SH3D19: variants seen among roughly 807,000 people sequenced by gnomAD.
SH3D19 encodes SH3 domain-containing protein 19.
A neutral mutation model predicts 112.1 loss-of-function variants in SH3D19; 58 were observed. The observed-to-expected ratio is 0.52, with a 90% CI of 0.42 to 0.64. SH3D19 has a LOEUF of 0.64. SH3D19 is among the 30% of genes least tolerant of loss of function. The pLI, the probability that SH3D19 is intolerant of heterozygous loss-of-function variation, is 0.00. For missense variants in SH3D19, 1,090 were observed against 1,263.4 expected (o/e 0.86, Z 2.08); for synonymous variants, 391 against 448.5 (o/e 0.87, Z 1.62).
chr4:151,227,939 C>T, intron 1 of SH3D19: 1 of 985,372 alleles, frequency 1.0e-6, no homozygotes, highest in South Asian at 4.7e-5. Context: ...ACTCAGTATC[C>T]AAGGGCTTCC....
At chr4:151,297,928 CTAA>C (rs1347128229) in intron 1 of SH3D19, among the ~76,000 whole-genome samples, 1 of 152,018 alleles carries the variant, frequency 6.6e-6, no homozygotes, top group Non-Finnish European at 1.5e-5. Flanking sequence ...GCCAGGTATA[CTAA>C]TGAGAGTATG....
intron 2 of SH3D19, among the ~76,000 whole-genome samples, chr4:151,201,077 T>G (rs904238487): frequency 6.6e-6 from 1 of 152,256 alleles, no homozygotes; most frequent in African/African-American, 2.4e-5. Flanking sequence ...ACTTTAATAA[T>G]TTGTGTGCTA....
intron 1 of SH3D19, chr4:151,283,135 C>T (rs1432972488): frequency 6.2e-7 from 1 of 1,613,714 alleles, no homozygotes. Context: ...TACCATTCTG[C>T]CCTTCAGGAA....
intron 7 of SH3D19, chr4:151,170,512 A>G (rs1298086999): frequency 6.6e-6 from 1 of 152,130 alleles, no homozygotes; most frequent in Non-Finnish European, 1.5e-5. Flanking sequence ...CAGATATAAA[A>G]TTTTGAATTT....
At chr4:151,310,210 CAAAAAA>C (rs1207145608) in intron 1 of SH3D19, among the ~76,000 whole-genome samples, 24 of 100,338 alleles carry the variant, frequency 2.4e-4, no homozygotes, top group African/African-American at 3.9e-4. Context: ...TCTGTCTTTA[CAAAAAA>C]AAAAAAAAAA....
At chr4:151,221,258 TG>T (rs1561369418) in intron 2 of SH3D19, among the ~76,000 whole-genome samples, 1 of 152,224 alleles carries the variant, frequency 6.6e-6, no homozygotes, top group East Asian at 1.9e-4. Flanking sequence ...CTGTTGGGCT[TG>T]GAGCCCATCA....
At chr4:151,201,034 C>T (rs1297458603) in intron 2 of SH3D19, among the ~76,000 whole-genome samples, 1 of 152,194 alleles carries the variant, frequency 6.6e-6, no homozygotes, top group Non-Finnish European at 1.5e-5. Context: ...TTGTCATCTA[C>T]CTGTGTCTCT....
intron 1 of SH3D19, among the ~76,000 whole-genome samples, chr4:151,243,959 A>G (rs2085779808): frequency 6.6e-6 from 1 of 152,204 alleles, no homozygotes; most frequent in Non-Finnish European, 1.5e-5. Context: ...AAGAGTAAAA[A>G]ATTCCGTGGA....
chr4:151,157,917 G>A (rs1024695873), intron 9 of SH3D19, among the ~76,000 whole-genome samples: 2 of 152,232 alleles, frequency 1.3e-5, no homozygotes, highest in Admixed American at 1.3e-4. Flanking sequence ...AAAGTAGAAC[G>A]GAGGATACTA....
At chr4:151,199,796 A>G (rs1220271361) in intron 2 of SH3D19, among the ~76,000 whole-genome samples, 3 of 152,218 alleles carry the variant, frequency 2.0e-5, no homozygotes, top group African/African-American at 7.2e-5. Context: ...CAAACTACGA[A>G]ATAGTATAAT....
chr4:151,179,312 T>G (rs1248118595), intron 4 of SH3D19, 43 bp downstream of exon 4: 22 of 1,098,616 alleles, frequency 2.0e-5, no homozygotes, highest in Non-Finnish European at 2.5e-5. Context: ...TTTTACTCAA[T>G]TATTAGTCTA....
chr4:151,313,603 A>G (rs1171949332), intron 1 of SH3D19, among the ~76,000 whole-genome samples: 1 of 152,088 alleles, frequency 6.6e-6, no homozygotes, highest in African/African-American at 2.4e-5. Flanking sequence ...TTTTTTATAA[A>G]GTCGGGGTCT....
rs961782700 is a variant in SH3D19 at position 151,325,473 on chromosome 4, G to A, written c.-121C>T. 3 of 391,476 alleles carry A rather than the reference G, an allele frequency of 7.7e-6. No individual in the cohort carries two copies. The highest frequency in any genetic ancestry group is 1.5e-3 in the Middle Eastern group (2 of 1,330). The allele number at this position is 391,476 out of a possible 1,614,324, so 24.3% of individuals were successfully genotyped here. ...GGCCGGGGGGAAGGCGGCTCCCGGA[G>A]AGGAGGCGTCGGCGGCGGCTGTGGA... On this transcript the variant is annotated 5_prime_UTR_variant, in exon 1 of 20. Transcript: ENST00000604030.
At chr4:151,175,876 CT>C (rs754178916) in intron 6 of SH3D19, among the ~76,000 whole-genome samples, 230 of 146,052 alleles carry the variant, frequency 1.6e-3, no homozygotes, top group Middle Eastern at 3.5e-3. Context: ...TCATATAACA[CT>C]TTTTTTTTTT....
chr4:151,158,264 C>T (rs1165646884), intron 9 of SH3D19, among the ~76,000 whole-genome samples: 1 of 152,020 alleles, frequency 6.6e-6, no homozygotes, highest in East Asian at 1.9e-4. Flanking sequence ...ATGGGCTTCC[C>T]ATAAAGTCCT....
intron 1 of SH3D19, chr4:151,226,410 A>G (rs1216607610): frequency 9.8e-7 from 1 of 1,023,802 alleles, no homozygotes; most frequent in African/African-American, 1.7e-5. Flanking sequence ...GAAAGAAAGC[A>G]AGGAAACTGC....
At chr4:151,168,504 G>T (rs1017267056) in intron 7 of SH3D19, among the ~76,000 whole-genome samples, 2 of 151,118 alleles carry the variant, frequency 1.3e-5, no homozygotes, top group African/African-American at 4.9e-5. Context: ...GTGCAATCAC[G>T]ACTCATTGCA....
chr4:151,185,020 C>G (rs1336379383), intron 3 of SH3D19, among the ~76,000 whole-genome samples: 1 of 142,238 alleles, frequency 7.0e-6, no homozygotes, highest in Non-Finnish European at 1.5e-5. Context: ...CCTTTGACCT[C>G]TAAAACACAG....
chr4:151,197,380 G>T (rs530232321), intron 2 of SH3D19, among the ~76,000 whole-genome samples: 2 of 152,328 alleles, frequency 1.3e-5, no homozygotes, highest in African/African-American at 4.8e-5. Context: ...CTTTGAATTC[G>T]TCAGAAGGGA....
Sources: gnomAD v4.1 joint callset for allele counts (sites outside exome capture counted in the v4.1 genomes callset) on GRCh38, gnomAD v4.1.1 for gene constraint, MANE v1.5 for transcripts, NCBI Gene and HGNC (gene_info 2026-07-23, HGNC 2026-07-21) for gene names.